The following TMC1 variants were observed in gnomAD, a reference collection of about 807,000 sequenced individuals.
TMC1 encodes the protein transmembrane channel-like protein 1.
Under a neutral mutation model 105.8 loss-of-function variants are expected in TMC1, and 84 were observed. The ratio of observed to expected loss-of-function variants is 0.79; its 90% confidence interval spans 0.67 to 0.95. The LOEUF (loss-of-function observed/expected upper bound fraction) is 0.95. TMC1 is among the 40% of genes least tolerant of loss of function. The pLI is 0.00. For synonymous variants in TMC1, 315 were observed against 311.5 expected (o/e 1.01, Z -0.12); for missense variants, 817 against 914.1 (o/e 0.89, Z 1.37).
Position 72,751,840 on chromosome 9 carries a change from T to C in TMC1, c.536-10T>C, listed in dbSNP as rs1827584452. The stretch of plus-strand genomic sequence containing the variant: ...ATCTCTCTTCAAACTTTTTATTTTC[T>C]TTGTAATAGGTCAGTTTGGCTCCTC... On this transcript the variant is annotated splice_polypyrimidine_tract_variant and intron_variant, in intron 10 of 23. Coordinates refer to ENST00000297784, the MANE Select transcript of TMC1 (RefSeq NM_138691.3). The C allele has an allele frequency of 6.3e-7, 1 of 1,577,764 alleles. No individual in the cohort carries two copies. The highest frequency in any genetic ancestry group is 1.1e-5 in the South Asian group (1 of 90,388).
At chr9:72,571,121 G>A (rs1195008005) in intron 1 of TMC1, among the ~76,000 whole-genome samples, 2 of 147,824 alleles carry the variant, frequency 1.4e-5, no homozygotes, top group African/African-American at 2.5e-5. Context: ...TCAGGAGTTC[G>A]AGACCAGCCT....
chr9:72,554,731 G>C (rs1009758621), intron 1 of TMC1, among the ~76,000 whole-genome samples: 7 of 152,180 alleles, frequency 4.6e-5, no homozygotes, highest in African/African-American at 1.7e-4. Flanking sequence ...AAGGGGGTTG[G>C]ATCGTGTGAT....
intron 20 of TMC1, among the ~76,000 whole-genome samples, chr9:72,825,358 T>C (rs74515872): frequency 2.6e-5 from 4 of 152,344 alleles, no homozygotes; most frequent in Non-Finnish European, 4.4e-5. Context: ...TCTGAGAATA[T>C]TGTATGATAG....
chr9:72,572,137 A>G (rs371064664), intron 1 of TMC1, among the ~76,000 whole-genome samples: 7 of 151,842 alleles, frequency 4.6e-5, no homozygotes, highest in Admixed American at 1.3e-4. Flanking sequence ...TGCTTGGCCA[A>G]TTATTTACTT....
At chr9:72,538,214 G>A (rs1184377370) in intron 1 of TMC1, among the ~76,000 whole-genome samples, 1 of 151,522 alleles carries the variant, frequency 6.6e-6, no homozygotes, top group Non-Finnish European at 1.5e-5. Flanking sequence ...AAGCCTCCAG[G>A]TAGCAGGCTT....
chr9:72,684,040 G>C (rs1472252582), intron 5 of TMC1, among the ~76,000 whole-genome samples: 1 of 151,732 alleles, frequency 6.6e-6, no homozygotes, highest in Non-Finnish European at 1.5e-5. Flanking sequence ...TTTTAACAAA[G>C]TATCAGTCAG....
At chr9:72,714,817 A>T (rs1826892302) in intron 8 of TMC1, among the ~76,000 whole-genome samples, 1 of 152,074 alleles carries the variant, frequency 6.6e-6, no homozygotes, top group African/African-American at 2.4e-5. Flanking sequence ...ATGATGCTGG[A>T]TGGTTATTTT....
chr9:72,769,026 G>A (rs1827883249), intron 12 of TMC1, among the ~76,000 whole-genome samples: 1 of 151,980 alleles, frequency 6.6e-6, no homozygotes, highest in Non-Finnish European at 1.5e-5. Flanking sequence ...CACTGAGAAG[G>A]TATGGCACTA....
intron 5 of TMC1, among the ~76,000 whole-genome samples, chr9:72,659,406 G>C (rs1825934568): frequency 6.6e-6 from 1 of 152,148 alleles, no homozygotes; most frequent in African/African-American, 2.4e-5. Flanking sequence ...AGGCCAAGGT[G>C]GGCAGATTAC....
At position 72,826,914 on chromosome 9, in the gene TMC1, C is replaced by T. The variant is rs184318138; in HGVS notation, c.2049C>T (p.His683=). The change falls in exon 21 of 24, where the codon CAC becomes CAT. Residue 683 remains histidine, a synonymous_variant. Coordinates refer to ENST00000297784, the MANE Select transcript of TMC1 (RefSeq NM_138691.3). ...AAGTCATTGGAGAGACCCTGGAGCA[C>T]GATTTCCCAAGCTGGATGGCGAAGA... ...MFEVIGETLE[H]DFPSWMAKIL... 1.9e-5 allele frequency: 30 copies of T among 1,614,068 alleles called. No individual in the cohort carries two copies. Among genetic ancestry groups the T allele is most frequent in the African/African-American group, 1.2e-4 (9 of 75,024 alleles).
At chr9:72,696,425 G>A (rs1470918627) in intron 7 of TMC1, among the ~76,000 whole-genome samples, 1 of 152,130 alleles carries the variant, frequency 6.6e-6, no homozygotes, top group African/African-American at 2.4e-5. Flanking sequence ...TGTGATTATT[G>A]ATAGTTCTGT....
intron 12 of TMC1, among the ~76,000 whole-genome samples, chr9:72,762,667 T>A (rs1827774752): frequency 6.6e-6 from 1 of 152,180 alleles, no homozygotes; most frequent in South Asian, 2.1e-4. Context: ...TACGTCTCTT[T>A]CCCTAGTAGC....
chr9:72,794,480 T>C (rs1828330070), intron 17 of TMC1, among the ~76,000 whole-genome samples: 1 of 152,186 alleles, frequency 6.6e-6, no homozygotes. Context: ...TGCCACCTAC[T>C]GGATCACATT....
At chr9:72,771,033 A>C (rs1406979572) in intron 12 of TMC1, among the ~76,000 whole-genome samples, 1 of 152,178 alleles carries the variant, frequency 6.6e-6, no homozygotes, top group African/African-American at 2.4e-5. Flanking sequence ...TGGACACCCC[A>C]TGGCCCACTC....
intron 17 of TMC1, among the ~76,000 whole-genome samples, chr9:72,797,701 A>G (rs963053823): frequency 6.6e-6 from 1 of 152,090 alleles, no homozygotes; most frequent in Non-Finnish European, 1.5e-5. Flanking sequence ...TCTTTACACC[A>G]TGTATAAAAA....
At chr9:72,707,219 T>G (rs1439017970) in intron 8 of TMC1, among the ~76,000 whole-genome samples, 1 of 152,248 alleles carries the variant, frequency 6.6e-6, no homozygotes, top group Non-Finnish European at 1.5e-5. Context: ...GCTATAAACA[T>G]GCATGTGTAA....
intron 1 of TMC1, among the ~76,000 whole-genome samples, chr9:72,557,663 A>G (rs1287655263): frequency 6.6e-6 from 1 of 152,170 alleles, no homozygotes; most frequent in African/African-American, 2.4e-5. Flanking sequence ...GGCCTCTCCA[A>G]TGTGTGTCAG....
At chr9:72,710,021 T>G (rs1293545945) in intron 8 of TMC1, among the ~76,000 whole-genome samples, 1 of 152,166 alleles carries the variant, frequency 6.6e-6, no homozygotes, top group Non-Finnish European at 1.5e-5. Flanking sequence ...CCACCTTTGA[T>G]GTATCCCAGC....
At chr9:72,617,908 GGTGTGT>G (rs58657161) in intron 3 of TMC1, among the ~76,000 whole-genome samples, 19,753 of 144,238 alleles carry the variant, frequency 0.14, 1,400 homozygotes, top group African/African-American at 0.17. Context: ...GTCTATGTGT[GGTGTGT>G]GTGTGTGTGT....
Sources: allele counts gnomAD v4.1 joint callset (sites outside exome capture counted in the v4.1 genomes callset), GRCh38; gene constraint gnomAD v4.1.1; transcripts MANE v1.5; gene names NCBI Gene and HGNC (gene_info 2026-07-23, HGNC 2026-07-21).